CNTNAP2: variants seen among roughly 807,000 people sequenced by gnomAD.
CNTNAP2 encodes the protein contactin associated protein 2.
In CNTNAP2, 98 loss-of-function variants were observed where a neutral mutation model predicts 155.2. The ratio of observed to expected loss-of-function variants is 0.63; its 90% CI spans 0.54 to 0.75. The LOEUF (loss-of-function observed/expected upper bound fraction) is 0.75, where lower values mean the gene tolerates loss of function less well. Among genes scored for constraint, CNTNAP2 ranks in the 30% least tolerant of loss-of-function variants. CNTNAP2 has a pLI of 0.00. For synonymous variants in CNTNAP2, 651 were observed against 631.2 expected (o/e 1.03, Z -0.47); for missense variants, 1,727 against 1,688.1 (o/e 1.02, Z -0.40).
At chr7:147,590,258 C>T (rs943972098) in intron 12 of CNTNAP2, among the ~76,000 whole-genome samples, 13 of 151,808 alleles carry the variant, frequency 8.6e-5, no homozygotes, top group Admixed American at 2.6e-4. Context: ...TGCCATAACC[C>T]GTTCCAAATT....
At chr7:148,331,685 ATGGACGGATGGAGTGGATGGATGGAG>A (rs1563045878) in intron 21 of CNTNAP2, among the ~76,000 whole-genome samples, 4 of 147,494 alleles carry the variant, frequency 2.7e-5, no homozygotes, top group African/African-American at 5.0e-5. Flanking sequence ...GATGGATGGA[ATGGACGGATGGAGTGGATGGATGGAG>A]TGGACGGATG....
At chr7:147,192,550 C>T (rs930603737) in intron 8 of CNTNAP2, among the ~76,000 whole-genome samples, 4 of 152,052 alleles carry the variant, frequency 2.6e-5, no homozygotes, top group African/African-American at 4.8e-5. Flanking sequence ...GTGTTTTCCC[C>T]ACCCTCTCCA....
In CNTNAP2 at chr7:146,116,815, C is replaced by T; in HGVS notation, c.-62C>T. The T allele has an allele frequency of 7.5e-7, 1 of 1,340,380 alleles. No individual in the cohort carries two copies. The highest frequency in any genetic ancestry group is 1.0e-6 in the Non-Finnish European group (1 of 970,866). The allele number at this position is 1,340,380 out of a possible 1,614,324, so 83.0% of individuals were successfully genotyped here. Reference sequence around the variant, plus strand: ...AGCCCATCTCCCTTCAAGAACCCTACGGAGAGTCGGACTGCATCTCCGCAG... The same window carrying T: ...AGCCCATCTCCCTTCAAGAACCCTATGGAGAGTCGGACTGCATCTCCGCAG... On this transcript the variant is annotated 5_prime_UTR_variant, in exon 1 of 24. In the 5' UTR this introduces an upstream ATG that the reference lacks. Coordinates refer to ENST00000361727, the MANE Select transcript of CNTNAP2 (RefSeq NM_014141.6). This position sits in a 1 kb window ranked among gnomAD's most constrained non-coding sequence, Gnocchi z 5.5.
intron 3 of CNTNAP2, among the ~76,000 whole-genome samples, chr7:146,910,850 C>T (rs1181586711): frequency 6.7e-6 from 1 of 150,122 alleles, no homozygotes; most frequent in Non-Finnish European, 1.5e-5. Flanking sequence ...AAAGAAACTA[C>T]CATCAGAGTG....
At chr7:146,569,214 C>T (rs1416999449) in intron 1 of CNTNAP2, among the ~76,000 whole-genome samples, 2 of 152,194 alleles carry the variant, frequency 1.3e-5, no homozygotes, top group East Asian at 3.9e-4. Flanking sequence ...GACGGGGTTT[C>T]ACCGCGTTAG....
chr7:147,519,023 C>CAAAA (rs149054741), intron 11 of CNTNAP2, among the ~76,000 whole-genome samples: 7 of 102,292 alleles, frequency 6.8e-5, no homozygotes, highest in African/African-American at 2.2e-4. Flanking sequence ...GACTCTGTCT[C>CAAAA]AAAAAAAAAA....
At chr7:146,721,804 T>C (rs1315143086) in intron 1 of CNTNAP2, among the ~76,000 whole-genome samples, 7 of 120,378 alleles carry the variant, frequency 5.8e-5, no homozygotes, top group Non-Finnish European at 8.1e-5. Context: ...ATATAGACTA[T>C]ATATAGTCTA....
At chr7:146,225,071 AAAAG>A (rs1286542335) in intron 1 of CNTNAP2, among the ~76,000 whole-genome samples, 6 of 152,166 alleles carry the variant, frequency 3.9e-5, no homozygotes, top group East Asian at 3.9e-4. Flanking sequence ...TGGGAAGACA[AAAAG>A]AAAGAGCTTT....
chr7:147,043,997 G>A lies in CNTNAP2; in HGVS notation c.493G>A (p.Asp165Asn). ...IARYVRIVPL[D>N]WNGEGRIGLR... ...CCGCTATGTGCGCATAGTGCCTCTGGATTGGAATGGAGAAGGTCGCATTGG... is the reference window on the plus strand; with the variant it reads ...CCGCTATGTGCGCATAGTGCCTCTGAATTGGAATGGAGAAGGTCGCATTGG... Residue 165 changes from aspartate (D) to asparagine (N), a missense_variant, in exon 4 of 24, where the codon GAT becomes AAT. Transcript: ENST00000361727. The A allele has an allele frequency of 6.2e-7, 1 of 1,614,206 alleles. No homozygotes were observed. The highest frequency in any genetic ancestry group is 1.7e-5 in the Admixed American group (1 of 60,030).
intron 1 of CNTNAP2, among the ~76,000 whole-genome samples, chr7:146,468,044 C>G (rs1286721884): frequency 6.6e-6 from 1 of 152,000 alleles, no homozygotes; most frequent in Non-Finnish European, 1.5e-5. Flanking sequence ...AAAAAGGTAA[C>G]TAGAGATAAA....
At chr7:146,512,922 T>C (rs1344088805) in intron 1 of CNTNAP2, among the ~76,000 whole-genome samples, 1 of 152,010 alleles carries the variant, frequency 6.6e-6, no homozygotes, top group East Asian at 1.9e-4. Flanking sequence ...TTGTGGTGTA[T>C]ATGTCCATTT....
chr7:146,628,221 C>T (rs1799452349), intron 1 of CNTNAP2, among the ~76,000 whole-genome samples: 1 of 152,206 alleles, frequency 6.6e-6, no homozygotes, highest in South Asian at 2.1e-4. Flanking sequence ...AGATAAGTTG[C>T]TGATAAATCT....
intron 14 of CNTNAP2, among the ~76,000 whole-genome samples, chr7:147,923,033 G>T (rs1800313064): frequency 6.6e-6 from 1 of 151,802 alleles, no homozygotes; most frequent in South Asian, 2.1e-4. Context: ...ACCAAAACAT[G>T]GAAAATGAGG....
At chr7:146,283,559 A>G (rs184213259) in intron 1 of CNTNAP2, among the ~76,000 whole-genome samples, 1 of 152,252 alleles carries the variant, frequency 6.6e-6, no homozygotes, top group East Asian at 1.9e-4. Context: ...AAAGAAATTA[A>G]GATGTATTTA....
chr7:147,987,245 A>G (rs1251568116), intron 15 of CNTNAP2, among the ~76,000 whole-genome samples: 2 of 152,242 alleles, frequency 1.3e-5, no homozygotes, highest in African/African-American at 4.8e-5. Flanking sequence ...GTGACTTTAA[A>G]CAATTAGAAG....
intron 10 of CNTNAP2, among the ~76,000 whole-genome samples, chr7:147,449,793 T>G (rs1022443825): frequency 6.6e-6 from 1 of 152,216 alleles, no homozygotes; most frequent in South Asian, 2.1e-4. Context: ...TTGTTTTTGA[T>G]TCTAAAGTTG....
intron 1 of CNTNAP2, among the ~76,000 whole-genome samples, chr7:146,379,509 C>G (rs767902021): frequency 2.6e-5 from 4 of 152,086 alleles, no homozygotes; most frequent in African/African-American, 9.7e-5. Flanking sequence ...GGTATTTGAC[C>G]AATGGCAACT....
At chr7:147,602,017 G>A (rs568218962) in intron 12 of CNTNAP2, among the ~76,000 whole-genome samples, 208 of 152,112 alleles carry the variant, frequency 1.4e-3, no homozygotes, top group African/African-American at 4.9e-3. Context: ...TGTTGTATTT[G>A]TTTGTTAATA....
chr7:146,500,780 G>C (rs1335530486), intron 1 of CNTNAP2, among the ~76,000 whole-genome samples: 2 of 152,080 alleles, frequency 1.3e-5, no homozygotes, highest in Non-Finnish European at 2.9e-5. Flanking sequence ...GGGCTAAACA[G>C]ATATTTATGT....
Sources: gnomAD v4.1 joint callset for allele counts (sites outside exome capture counted in the v4.1 genomes callset) on GRCh38, gnomAD v4.1.1 for gene constraint, Gnocchi (gnomAD v3.1) non-coding constraint, MANE v1.5 for transcripts, NCBI Gene and HGNC (gene_info 2026-07-23, HGNC 2026-07-21) for gene names.